Variants in CACNA1E observed in about 807,000 individuals in gnomAD.
CACNA1E encodes the protein calcium voltage-gated channel subunit alpha1 E, also known as voltage-dependent R-type calcium channel subunit alpha-1E.
CACNA1E carries 40 observed loss-of-function variants against 259.2 expected under a neutral mutation model. The observed-to-expected ratio is 0.15, with a 90% CI of 0.12 to 0.20. The LOEUF (loss-of-function observed/expected upper bound fraction) is 0.20, where lower values mean the gene tolerates loss of function less well. CACNA1E is among the 10% of genes least tolerant of loss of function. The pLI, the probability that CACNA1E is intolerant of heterozygous loss-of-function variation, is 1.00. For synonymous variants in CACNA1E, 1,104 were observed against 1,138.5 expected, an observed-to-expected ratio of 0.97 and a Z score of 0.61; for missense variants, 1,874 against 3,040.1, an observed-to-expected ratio of 0.62 and a Z score of 9.02.
At chr1:181,475,855 G>C (rs1662811594) in intron 2 of CACNA1E, among the ~76,000 whole-genome samples, 1 of 152,142 alleles carries the variant, frequency 6.6e-6, no homozygotes, top group Admixed American at 6.5e-5. Flanking sequence ...TGGACACCTG[G>C]GTCTGGAAAT....
chr1:181,407,266 G>A (rs180883537), intron 1 of CACNA1E, among the ~76,000 whole-genome samples: 59 of 152,260 alleles, frequency 3.9e-4, no homozygotes, highest in African/African-American at 1.3e-3. Flanking sequence ...TGCAGGGAGT[G>A]GGGGTGGGTC....
chr1:181,487,541 T>C (rs1057144830), intron 1 of CACNA1E, among the ~76,000 whole-genome samples: 2 of 152,276 alleles, frequency 1.3e-5, no homozygotes, highest in African/African-American at 2.4e-5. Flanking sequence ...GTGGATACCA[T>C]ACTCTTTTTA....
At chr1:181,507,253 C>G (rs1367120076) in intron 1 of CACNA1E, among the ~76,000 whole-genome samples, 1 of 152,144 alleles carries the variant, frequency 6.6e-6, no homozygotes, top group African/African-American at 2.4e-5. Flanking sequence ...TCTCAGCCAC[C>G]CAGATACCTG....
intron 3 of CACNA1E, among the ~76,000 whole-genome samples, chr1:181,539,015 C>T (rs1219666531): frequency 6.6e-6 from 1 of 152,198 alleles, no homozygotes; most frequent in Admixed American, 6.5e-5. Context: ...GCCTGCCCTC[C>T]AGCTATACTG....
intron 7 of CACNA1E, among the ~76,000 whole-genome samples, chr1:181,670,714 C>T (rs1258088753): frequency 6.6e-6 from 1 of 152,200 alleles, no homozygotes; most frequent in Non-Finnish European, 1.5e-5. Flanking sequence ...GCAGAGTTGA[C>T]TGAAATGGCA....
At chr1:181,645,721 A>G (rs1232327121) in intron 6 of CACNA1E, among the ~76,000 whole-genome samples, 1 of 152,218 alleles carries the variant, frequency 6.6e-6, no homozygotes, top group Non-Finnish European at 1.5e-5. Flanking sequence ...CACTTGCTTC[A>G]TGGGTGTTTC....
intron 6 of CACNA1E, among the ~76,000 whole-genome samples, chr1:181,635,003 A>G (rs537832739): frequency 2.6e-5 from 4 of 152,322 alleles, no homozygotes; most frequent in African/African-American, 9.6e-5. Context: ...AGACTTGGTT[A>G]TGGTATGACC....
At chr1:181,392,012 G>A (rs572947438) in intron 1 of CACNA1E, among the ~76,000 whole-genome samples, 1 of 151,330 alleles carries the variant, frequency 6.6e-6, no homozygotes, top group Non-Finnish European at 1.5e-5. Context: ...TTTGGGCCAG[G>A]GATTGGTGAA....
chr1:181,534,519 C>T (rs1000649463), intron 3 of CACNA1E, among the ~76,000 whole-genome samples: 3 of 151,932 alleles, frequency 2.0e-5, no homozygotes, highest in African/African-American at 4.8e-5. Flanking sequence ...TATGGTATTC[C>T]GCATTTTGAA....
At chr1:181,562,993 G>C (rs1649470916) in intron 3 of CACNA1E, among the ~76,000 whole-genome samples, 2 of 152,182 alleles carry the variant, frequency 1.3e-5, no homozygotes, top group Admixed American at 1.3e-4. Context: ...ATTCCAAATA[G>C]ATGGTATGGG....
At chr1:181,642,974 A>G (rs1657934340) in intron 6 of CACNA1E, among the ~76,000 whole-genome samples, 1 of 152,220 alleles carries the variant, frequency 6.6e-6, no homozygotes, top group African/African-American at 2.4e-5. Context: ...ATAATTTTTA[A>G]GAATAACTCA....
rs77707305 is a variant in CACNA1E at position 181,649,676 on chromosome 1, A to G, written c.952-1662A>G. Among the ~76,000 whole-genome samples, 646 of 152,090 alleles carry G rather than the reference A, an allele frequency of 4.2e-3. 6 individuals carry two copies. The highest frequency in any genetic ancestry group is 0.015 in the African/African-American group (629 of 41,552). On this transcript the variant is annotated intron_variant, in intron 6 of 47. Transcript: ENST00000367573. ...CACCATGGAATACTATGTAGCCTTA[A>G]AAAAAATGAGAACATGTTCTTTGCA...
chr1:181,501,014 A>G (rs977569091), intron 1 of CACNA1E, among the ~76,000 whole-genome samples: 2 of 152,208 alleles, frequency 1.3e-5, no homozygotes, highest in East Asian at 1.9e-4. Flanking sequence ...ATGGGCTCCA[A>G]TTCATCAGAG....
intron 1 of CACNA1E, among the ~76,000 whole-genome samples, chr1:181,332,408 T>G (rs75127519): frequency 6.6e-6 from 1 of 152,170 alleles, no homozygotes; most frequent in Admixed American, 6.5e-5. Flanking sequence ...TAATGAAACA[T>G]AGTTCAATTA....
intron 1 of CACNA1E, among the ~76,000 whole-genome samples, chr1:181,399,466 A>G (rs927641897): frequency 6.6e-6 from 1 of 152,222 alleles, no homozygotes; most frequent in African/African-American, 2.4e-5. Context: ...CTGTGTTGAC[A>G]CACATTGATT....
chr1:181,413,164 T>G (rs1407353759), exon 2 of CACNA1E: 1 of 152,794 alleles, frequency 6.5e-6, no homozygotes, highest in African/African-American at 2.4e-5. Context: ...CCGAGATGCG[T>G]GGACTGAGCC....
chr1:181,533,663 C>G (rs149332062), intron 3 of CACNA1E, among the ~76,000 whole-genome samples: 1 of 151,976 alleles, frequency 6.6e-6, no homozygotes, highest in Non-Finnish European at 1.5e-5. Context: ...TTATTGACTA[C>G]TTTTGGGGAA....
rs774894337 is a variant in CACNA1E at position 181,794,860 on chromosome 1, C to T, written c.6028-4C>T. 6.2e-7 allele frequency: 1 copy of T among 1,604,852 alleles called. No homozygotes were observed. Among genetic ancestry groups the T allele is most frequent in the Non-Finnish European group, 8.5e-7 (1 of 1,174,804 alleles). On this transcript the variant is annotated splice_region_variant and splice_polypyrimidine_tract_variant and intron_variant, in intron 45 of 47. Transcript: ENST00000367573. ...TGTGTTTCTCTGGGGGCTTGTATTT[C>T]CAGGTGGTGACAGACCCTAGCTCCA...
intron 1 of CACNA1E, among the ~76,000 whole-genome samples, chr1:181,391,933 CTCTCTCTCTCTCTGTGTGTGTGTGTG>C (rs1424193416): frequency 1.3e-5 from 1 of 79,868 alleles, no homozygotes; most frequent in Non-Finnish European, 3.1e-5. Context: ...CTGTCTCTCT[CTCTCTCTCTCTCTGTGTGTGTGTGTG>C]TGTGTGTGTG....
Sources: allele counts gnomAD v4.1 joint callset (sites outside exome capture counted in the v4.1 genomes callset), GRCh38; gene constraint gnomAD v4.1.1; transcripts MANE v1.5; gene names NCBI Gene and HGNC (gene_info 2026-07-23, HGNC 2026-07-21).